CSMD3: variants seen among roughly 807,000 people sequenced by gnomAD.
CSMD3 encodes the protein CUB and Sushi multiple domains 3.
In CSMD3, 177 loss-of-function variants were observed where a neutral mutation model predicts 435.2. That is an observed-to-expected ratio of 0.41 (90% CI 0.36 to 0.46). CSMD3 has a LOEUF of 0.46. CSMD3 is among the 20% of genes least tolerant of loss of function. The probability of loss-of-function intolerance (pLI) is 0.34; values close to 1 mark genes in which losing one functional copy is unlikely to be tolerated. For missense variants in CSMD3, 4,265 were observed against 4,504.6 expected (o/e 0.95, Z 1.52); for synonymous variants, 1,656 against 1,520.5 (o/e 1.09, Z -2.07).
intron 3 of CSMD3, among the ~76,000 whole-genome samples, chr8:113,235,691 G>C (rs1185843705): frequency 2.6e-5 from 4 of 152,074 alleles, no homozygotes; most frequent in African/African-American, 4.8e-5. Flanking sequence ...CATGTGAATT[G>C]GTAGATTGAA....
chr8:113,041,031 C>T (rs1482982146), intron 5 of CSMD3, among the ~76,000 whole-genome samples: 2 of 151,794 alleles, frequency 1.3e-5, no homozygotes, highest in African/African-American at 2.4e-5. Flanking sequence ...TAGTGAAACC[C>T]GGTCTCTACT....
intron 2 of CSMD3, among the ~76,000 whole-genome samples, chr8:113,297,437 T>TTTTACTTGGAATTTG (rs1283606450): frequency 6.6e-6 from 1 of 152,002 alleles, no homozygotes; most frequent in African/African-American, 2.4e-5. Context: ...AGAACTGAAA[T>TTTTACTTGGAATTTG]ATGAAAAATT....
At position 112,341,499 on chromosome 8, in the gene CSMD3, T is replaced by C; in HGVS notation, c.6630A>G (p.Gln2210=). 11 of 1,610,610 alleles carry C rather than the reference T, an allele frequency of 6.8e-6. No individual in the cohort carries two copies. Among genetic ancestry groups the C allele is most frequent in the Non-Finnish European group, 8.5e-6 (10 of 1,176,888 alleles). Residue 2210 remains glutamine, a synonymous_variant, in exon 42 of 71, where the codon CAA becomes CAG. Coordinates refer to ENST00000297405, the MANE Select transcript of CSMD3 (RefSeq NM_198123.2). ...YFHSDYSQNK[Q]GFHIVYQAYQ... is the part of the protein sequence containing the mutation. Reference sequence around the variant, plus strand: ...TACCTTGGTATACAATATGAAACCCTTGTTTGTTTTGTGAATAGTCACTGT... The same window carrying C: ...TACCTTGGTATACAATATGAAACCCCTGTTTGTTTTGTGAATAGTCACTGT...
At chr8:112,913,073 G>A (rs954314532) in intron 10 of CSMD3, among the ~76,000 whole-genome samples, 1 of 151,824 alleles carries the variant, frequency 6.6e-6, no homozygotes, top group Non-Finnish European at 1.5e-5. Context: ...CTCATCATTA[G>A]CCTTGTTTAC....
At chr8:112,375,738 A>T (rs1828881088) in intron 38 of CSMD3, among the ~76,000 whole-genome samples, 1 of 152,172 alleles carries the variant, frequency 6.6e-6, no homozygotes, top group African/African-American at 2.4e-5. Context: ...GTACACAAGA[A>T]TCTTTTTAAA....
chr8:113,036,309 T>A (rs1427160420), intron 5 of CSMD3, among the ~76,000 whole-genome samples: 1 of 152,030 alleles, frequency 6.6e-6, no homozygotes. Context: ...TTCCATCATT[T>A]TTCTTATTCT....
chr8:112,543,534 A>T (rs902035926), intron 27 of CSMD3, among the ~76,000 whole-genome samples: 4 of 152,100 alleles, frequency 2.6e-5, no homozygotes, highest in African/African-American at 9.7e-5. Context: ...TCTCAATAAT[A>T]TATTACTTCA....
chr8:113,404,758 GA>G (rs2094525221), intron 1 of CSMD3, among the ~76,000 whole-genome samples: 1 of 151,302 alleles, frequency 6.6e-6, no homozygotes, highest in African/African-American at 2.4e-5. Flanking sequence ...TTTTAAGGGG[GA>G]AAAAGATAAA....
chr8:112,508,212 A>G (rs1822734771), intron 28 of CSMD3, among the ~76,000 whole-genome samples: 1 of 152,158 alleles, frequency 6.6e-6, no homozygotes, highest in Non-Finnish European at 1.5e-5. Flanking sequence ...CTTTCATCTT[A>G]AAAATAAAAC....
intron 1 of CSMD3, among the ~76,000 whole-genome samples, chr8:113,416,194 G>T (rs976350005): frequency 6.6e-6 from 1 of 151,916 alleles, no homozygotes; most frequent in Non-Finnish European, 1.5e-5. Flanking sequence ...CAATTTTCAG[G>T]TATTAAAGCA....
intron 4 of CSMD3, among the ~76,000 whole-genome samples, chr8:113,133,974 A>G (rs986443612): frequency 6.6e-6 from 1 of 152,092 alleles, no homozygotes; most frequent in Non-Finnish European, 1.5e-5. Context: ...GATCTGATTC[A>G]TAACAATGTG....
chr8:112,570,376 G>T (rs1829406870), intron 24 of CSMD3, among the ~76,000 whole-genome samples: 1 of 152,106 alleles, frequency 6.6e-6, no homozygotes. Flanking sequence ...ATGTGATAAC[G>T]GTTATATTAG....
chr8:113,268,106 A>T (rs1477162210), intron 3 of CSMD3, among the ~76,000 whole-genome samples: 1 of 151,746 alleles, frequency 6.6e-6, no homozygotes. Flanking sequence ...ACCTATAAAA[A>T]GTGACTATGC....
At chr8:112,527,440 T>A (rs1208383709) in intron 27 of CSMD3, among the ~76,000 whole-genome samples, 1 of 151,584 alleles carries the variant, frequency 6.6e-6, no homozygotes, top group Non-Finnish European at 1.5e-5. Flanking sequence ...AGGCAAAAAA[T>A]AAAAGTAAGA....
chr8:112,843,502 G>T (rs2080237056), intron 11 of CSMD3, among the ~76,000 whole-genome samples: 1 of 151,884 alleles, frequency 6.6e-6, no homozygotes, highest in South Asian at 2.1e-4. Context: ...ACTTGAACTT[G>T]TGATTCAATT....
chr8:112,679,461 C>T (rs1030938452), intron 16 of CSMD3, among the ~76,000 whole-genome samples: 2 of 152,168 alleles, frequency 1.3e-5, no homozygotes, highest in African/African-American at 4.8e-5. Context: ...ATTTCACTCA[C>T]ACATAGAGAA....
chr8:112,258,939 C>T (rs1461384942), intron 61 of CSMD3, among the ~76,000 whole-genome samples: 11 of 151,698 alleles, frequency 7.3e-5, no homozygotes, highest in African/African-American at 2.4e-4. Flanking sequence ...CTCAGAAGGC[C>T]GAGGCAGGAG....
chr8:112,938,247 T>A (rs1282269022), intron 9 of CSMD3, among the ~76,000 whole-genome samples: 1 of 152,192 alleles, frequency 6.6e-6, no homozygotes, highest in African/African-American at 2.4e-5. Flanking sequence ...TTAATGCCCA[T>A]GAACTTTCTC....
chr8:112,485,868 TA>T (rs1289989407), intron 31 of CSMD3, among the ~76,000 whole-genome samples: 2 of 151,954 alleles, frequency 1.3e-5, no homozygotes, highest in African/African-American at 4.8e-5. Flanking sequence ...GCTGGATGTC[TA>T]ATCTTAACAT....
Sources: gnomAD v4.1 joint callset for allele counts (sites outside exome capture counted in the v4.1 genomes callset) on GRCh38, gnomAD v4.1.1 for gene constraint, MANE v1.5 for transcripts, NCBI Gene and HGNC (gene_info 2026-07-23, HGNC 2026-07-21) for gene names.